The following LAMC3 variants were observed in gnomAD, a reference collection of about 807,000 sequenced individuals.
LAMC3 encodes laminin subunit gamma-3.
In LAMC3, 128 loss-of-function variants were observed where a neutral mutation model predicts 173.8. The observed-to-expected ratio is 0.74, with a 90% CI of 0.64 to 0.85. The LOEUF (loss-of-function observed/expected upper bound fraction) is 0.85, where lower values mean the gene tolerates loss of function less well. LAMC3 is among the 40% of genes least tolerant of loss of function. The pLI is 0.00. For missense variants in LAMC3, 2,022 were observed against 2,156.0 expected (o/e 0.94, Z 1.23); for synonymous variants, 897 against 909.1 (o/e 0.99, Z 0.24).
rs530280014 is a variant in LAMC3 at position 131,039,764 on chromosome 9, G to C, written c.1283+516G>C. Among the ~76,000 whole-genome samples, 228 of 152,058 alleles carry C rather than the reference G, an allele frequency of 1.5e-3. 1 individual carries two copies. Among genetic ancestry groups the C allele is most frequent in the African/African-American group, 5.4e-3 (223 of 41,434 alleles). ...GGGTGGAAGAGGAAGAAGAGGTGGAGGCTGACCTTCGGGGTTCTCTGGGCC... is the reference window on the plus strand; with the variant it reads ...GGGTGGAAGAGGAAGAAGAGGTGGACGCTGACCTTCGGGGTTCTCTGGGCC... On this transcript the variant is annotated intron_variant, in intron 6 of 27. Transcript: ENST00000361069.
chr9:131,069,047 C>T lies in LAMC3; in HGVS notation c.2887C>T (p.Arg963Trp), dbSNP rs778891263. The T allele has an allele frequency of 3.5e-5, 56 of 1,613,360 alleles. No homozygotes were observed. Among genetic ancestry groups the T allele is most frequent in the South Asian group, 1.8e-4 (16 of 91,048 alleles). Residue 963 changes from arginine to tryptophan, a missense_variant, in exon 16 of 28, where the codon CGG becomes TGG. By Grantham distance (101) the Arg-to-Trp change is moderately radical. Coordinates refer to ENST00000361069, the MANE Select transcript of LAMC3 (RefSeq NM_006059.4). ...CTTCGGCTTCTCCATCAAGGGCTGC[C>T]GGGGTAAGGAGGCTGGGTCCTTCCC... ...GFFGFSIKGCRACRCSPLGAA... is the reference protein window; with the variant it reads ...GFFGFSIKGCWACRCSPLGAA...
intron 27 of LAMC3, among the ~76,000 whole-genome samples, chr9:131,089,258 G>A (rs1293447214): frequency 6.6e-6 from 1 of 151,726 alleles, no homozygotes; most frequent in Non-Finnish European, 1.5e-5. Context: ...ATACCAACAT[G>A]GCACATGTAT....
At chr9:131,010,015 G>A (rs1180944776) in intron 1 of LAMC3, among the ~76,000 whole-genome samples, 8 of 151,916 alleles carry the variant, frequency 5.3e-5, no homozygotes, top group South Asian at 2.1e-4. Context: ...TTGGCCGGGC[G>A]TGGTGGTAGG....
intron 20 of LAMC3, among the ~76,000 whole-genome samples, chr9:131,074,071 C>T (rs1255049556): frequency 1.3e-5 from 2 of 151,366 alleles, no homozygotes; most frequent in Non-Finnish European, 2.9e-5. Context: ...CTCAGCCTCC[C>T]AAGTAGCTAG....
At chr9:131,066,671 G>T (rs1397567946) in intron 13 of LAMC3, among the ~76,000 whole-genome samples, 1 of 152,110 alleles carries the variant, frequency 6.6e-6, no homozygotes, top group African/African-American at 2.4e-5. Context: ...CAGGCTGGAT[G>T]TTAAGCGCTT....
At chr9:131,025,254 T>C (rs1407977509) in intron 1 of LAMC3, among the ~76,000 whole-genome samples, 1 of 152,146 alleles carries the variant, frequency 6.6e-6, no homozygotes, top group Non-Finnish European at 1.5e-5. Context: ...TCAGGGTTTT[T>C]CTCTTCTTAG....
At chr9:131,083,906 G>A (rs572690158) in intron 24 of LAMC3, among the ~76,000 whole-genome samples, 19 of 112,260 alleles carry the variant, frequency 1.7e-4, no homozygotes, top group African/African-American at 6.8e-4. Context: ...ATAGAGTCTC[G>A]CTCTGTTGCC....
intron 25 of LAMC3, among the ~76,000 whole-genome samples, chr9:131,086,390 G>T (rs201376404): frequency 1.4e-3 from 68 of 47,238 alleles, no homozygotes; most frequent in South Asian, 5.0e-3. Context: ...AGGGTTTTTG[G>T]TTTTGTTTTT....
At chr9:131,032,445 C>A (rs56228165) in intron 3 of LAMC3, among the ~76,000 whole-genome samples, 1 of 150,422 alleles carries the variant, frequency 6.6e-6, no homozygotes, top group African/African-American at 2.5e-5. Flanking sequence ...CTTCCTCCCT[C>A]CCTCCCTCCC....
At chr9:131,058,877 A>G (rs1291297906) in intron 12 of LAMC3, among the ~76,000 whole-genome samples, 1 of 145,468 alleles carries the variant, frequency 6.9e-6, no homozygotes, top group East Asian at 2.0e-4. Flanking sequence ...CTGGGTGACA[A>G]GAGCAAGACT....
intron 11 of LAMC3, among the ~76,000 whole-genome samples, chr9:131,055,918 C>G (rs1318035280): frequency 6.6e-6 from 1 of 152,080 alleles, no homozygotes; most frequent in Non-Finnish European, 1.5e-5. Flanking sequence ...GAACTTTAGG[C>G]TGGGCGTGGT....
intron 9 of LAMC3, among the ~76,000 whole-genome samples, chr9:131,050,557 GGA>G (rs1385068891): frequency 2.0e-5 from 3 of 152,184 alleles, no homozygotes; most frequent in Non-Finnish European, 4.4e-5. Flanking sequence ...TCTGAGGTCA[GGA>G]GTTCAAGACC....
chr9:131,070,448 C>T (rs1308533277), intron 17 of LAMC3, among the ~76,000 whole-genome samples: 1 of 152,238 alleles, frequency 6.6e-6, no homozygotes, highest in Non-Finnish European at 1.5e-5. Context: ...TGCTGTGGCT[C>T]ACGCCTGTAA....
chr9:131,076,073 G>A (rs749889698), intron 21 of LAMC3, 108 bp downstream of exon 21: 123 of 1,132,288 alleles, frequency 1.1e-4, no homozygotes, highest in African/African-American at 1.1e-3. Flanking sequence ...GAGTCCTGAC[G>A]TTCTTTGTCG....
At chr9:131,065,039 T>TAAAAAAAAAAA (rs754104539) in intron 13 of LAMC3, among the ~76,000 whole-genome samples, 3 of 27,416 alleles carry the variant, frequency 1.1e-4, no homozygotes, top group African/African-American at 2.1e-4. Context: ...AGACTCCATC[T>TAAAAAAAAAAA]AAAAAAAAAA....
At chr9:131,061,485 G>A (rs1829823096) in intron 13 of LAMC3, among the ~76,000 whole-genome samples, 1 of 152,116 alleles carries the variant, frequency 6.6e-6, no homozygotes, top group South Asian at 2.1e-4. Flanking sequence ...TCTGGTCCCT[G>A]GCCCCTTAGA....
At chr9:131,075,383 G>A (rs1016273412) in intron 20 of LAMC3, among the ~76,000 whole-genome samples, 1 of 152,104 alleles carries the variant, frequency 6.6e-6, no homozygotes, top group Non-Finnish European at 1.5e-5. Context: ...AGACCAGCCT[G>A]GCCAATGTGG....
chr9:131,051,507 G>T (rs1834286163), intron 9 of LAMC3, among the ~76,000 whole-genome samples: 1 of 151,784 alleles, frequency 6.6e-6, no homozygotes, highest in South Asian at 2.1e-4. Context: ...GGGATTACAG[G>T]CACCCACCAC....
At chr9:131,021,084 G>A (rs904597086) in intron 1 of LAMC3, 1 of 152,188 alleles carries the variant, frequency 6.6e-6, no homozygotes, top group Non-Finnish European at 1.5e-5. Context: ...AACTCAAATT[G>A]TAGGTTCTTG....
Sources: gnomAD v4.1 joint callset for allele counts (sites outside exome capture counted in the v4.1 genomes callset) on GRCh38, gnomAD v4.1.1 for gene constraint, MANE v1.5 for transcripts, NCBI Gene and HGNC (gene_info 2026-07-23, HGNC 2026-07-21) for gene names.